RBFOX1: variants seen among roughly 807,000 people sequenced by gnomAD.
RBFOX1 encodes RNA binding fox-1 homolog 1.
Under a neutral mutation model 57.7 loss-of-function variants are expected in RBFOX1, and 8 were observed. The ratio of observed to expected loss-of-function variants is 0.14; its 90% CI spans 0.08 to 0.25. The LOEUF (loss-of-function observed/expected upper bound fraction) is 0.25, where lower values mean the gene tolerates loss of function less well. RBFOX1 is among the 10% of genes least tolerant of loss of function. RBFOX1 has a pLI of 1.00. For missense variants in RBFOX1, 611 were observed against 548.5 expected (o/e 1.11, Z -1.14); for synonymous variants, 326 against 222.4 (o/e 1.47, Z -4.15).
intron 4 of RBFOX1, among the ~76,000 whole-genome samples, chr16:5,974,464 G>C (rs1322702964): frequency 6.6e-6 from 1 of 151,682 alleles, no homozygotes; most frequent in Admixed American, 6.6e-5. Context: ...CAAAAAATTA[G>C]CTGGCCGTGG....
At chr16:6,103,936 A>G (rs1341892262) in intron 1 of RBFOX1, among the ~76,000 whole-genome samples, 4 of 152,130 alleles carry the variant, frequency 2.6e-5, no homozygotes, top group African/African-American at 9.7e-5. Context: ...ACTCTGGGCT[A>G]TTACTTCGCC....
intron 1 of RBFOX1, among the ~76,000 whole-genome samples, chr16:6,282,355 G>GTTTTTTTTTTTTTTTTTTTTTT: frequency 8.0e-6 from 1 of 125,264 alleles, no homozygotes; most frequent in Non-Finnish European, 1.7e-5. Context: ...TACCTTGTCT[G>GTTTTTTTTTTTTTTTTTTTTTT]TTTTTTTTTT....
intron 5 of RBFOX1, among the ~76,000 whole-genome samples, chr16:7,556,883 T>C (rs938360173): frequency 1.3e-5 from 2 of 152,216 alleles, no homozygotes; most frequent in African/African-American, 4.8e-5. Flanking sequence ...TGAAACCGAC[T>C]TAGTTTAAAA....
chr16:6,694,872 A>C (rs1028584808), intron 3 of RBFOX1, among the ~76,000 whole-genome samples: 1 of 151,982 alleles, frequency 6.6e-6, no homozygotes, highest in Non-Finnish European at 1.5e-5. Context: ...CCTGGGAACC[A>C]CACGGCAACA....
intron 3 of RBFOX1, among the ~76,000 whole-genome samples, chr16:6,984,072 A>G (rs1455637517): frequency 6.6e-6 from 1 of 152,052 alleles, no homozygotes; most frequent in Non-Finnish European, 1.5e-5. Context: ...ACATGGAGAA[A>G]CCCTGTCTCT....
chr16:6,654,595 C>G lies in RBFOX1; in HGVS notation c.-63-8C>G, dbSNP rs1000846989. 5.3e-6 allele frequency: 8 copies of G among 1,505,656 alleles called. No individual in the cohort carries two copies. The highest frequency in any genetic ancestry group is 1.3e-5 in the South Asian group (1 of 78,720). The allele number at this position is 1,505,656 out of a possible 1,614,324, so 93.3% of individuals were successfully genotyped here. On this transcript the variant is annotated splice_polypyrimidine_tract_variant and splice_region_variant and intron_variant, in intron 2 of 15. Coordinates refer to ENST00000550418, the MANE Select transcript of RBFOX1 (RefSeq NM_018723.4). ...CTCTCACTTTCCTTTCTTTTCTTCT[C>G]TTCTCAGGATATCAAAGCAGACTGC...
chr16:7,443,435 C>T (rs887395065), intron 4 of RBFOX1, among the ~76,000 whole-genome samples: 2 of 151,368 alleles, frequency 1.3e-5, no homozygotes, highest in African/African-American at 4.9e-5. Context: ...CCCCTCCCCT[C>T]TTTCTTTGCC....
At chr16:6,164,197 A>G (rs1051943232) in intron 1 of RBFOX1, among the ~76,000 whole-genome samples, 2 of 152,222 alleles carry the variant, frequency 1.3e-5, no homozygotes, top group African/African-American at 2.4e-5. Context: ...TTACTTGGAC[A>G]TTAGTCTACA....
intron 2 of RBFOX1, among the ~76,000 whole-genome samples, chr16:6,524,178 A>T (rs1297497868): frequency 6.6e-6 from 1 of 151,886 alleles, no homozygotes; most frequent in Middle Eastern, 3.2e-3. Context: ...CCATCCCTGT[A>T]CTCTCTATCT....
intron 3 of RBFOX1, among the ~76,000 whole-genome samples, chr16:6,975,874 C>T (rs745762864): frequency 3.2e-4 from 48 of 152,176 alleles, no homozygotes; most frequent in Non-Finnish European, 5.9e-4. Flanking sequence ...CACCTGTAAT[C>T]GCAGCACTTT....
chr16:7,516,373 G>A (rs181715357), intron 4 of RBFOX1, among the ~76,000 whole-genome samples: 6 of 152,182 alleles, frequency 3.9e-5, no homozygotes, highest in Admixed American at 2.6e-4. Flanking sequence ...GATGTCCTAT[G>A]GCTCATCTCG....
chr16:5,846,860 G>T (rs2056769951), intron 3 of RBFOX1, among the ~76,000 whole-genome samples: 1 of 152,212 alleles, frequency 6.6e-6, no homozygotes, highest in Non-Finnish European at 1.5e-5. Context: ...CAGAGCAGCT[G>T]CGGAGAAGGA....
At chr16:6,494,832 T>G (rs2095720783) in intron 2 of RBFOX1, among the ~76,000 whole-genome samples, 1 of 152,222 alleles carries the variant, frequency 6.6e-6, no homozygotes, top group African/African-American at 2.4e-5. Context: ...TAATGTTTAT[T>G]TTTACATAAA....
At chr16:5,332,326 G>A (rs1353786355) in intron 1 of RBFOX1, among the ~76,000 whole-genome samples, 3 of 152,096 alleles carry the variant, frequency 2.0e-5, no homozygotes, top group Non-Finnish European at 4.4e-5. Flanking sequence ...GGAGTGCAGT[G>A]GTGTGATCTC....
chr16:6,463,530 C>T (rs1026039937), intron 2 of RBFOX1, among the ~76,000 whole-genome samples: 7 of 151,916 alleles, frequency 4.6e-5, no homozygotes, highest in African/African-American at 7.3e-5. Flanking sequence ...GGGGTCGGGG[C>T]GGAGTGTAAG....
At chr16:6,656,931 C>CCCTTT (rs2098659708) in intron 3 of RBFOX1, among the ~76,000 whole-genome samples, 6 of 55,644 alleles carry the variant, frequency 1.1e-4, no homozygotes, top group African/African-American at 1.6e-4. Flanking sequence ...TCCTCTCCTC[C>CCCTTT]CCTCTCCTCC....
intron 4 of RBFOX1, among the ~76,000 whole-genome samples, chr16:5,880,766 G>C (rs2057742513): frequency 6.6e-6 from 1 of 152,058 alleles, no homozygotes; most frequent in Admixed American, 6.6e-5. Context: ...GCAGAATAAA[G>C]ATTTCAAATA....
At chr16:7,196,724 C>T (rs1406632240) in intron 4 of RBFOX1, among the ~76,000 whole-genome samples, 1 of 152,050 alleles carries the variant, frequency 6.6e-6, no homozygotes, top group Non-Finnish European at 1.5e-5. Context: ...AGTCATGCTG[C>T]AAAGTGAGTT....
rs182891211 is a variant in RBFOX1 at position 6,952,670 on chromosome 16, A to C, written c.-15-99387A>C. Among the ~76,000 whole-genome samples the C allele has an allele frequency of 1.3e-4, 20 of 152,066 alleles. No individual in the cohort carries two copies. In the East Asian group the frequency reaches 3.7e-3, roughly 28 times the overall value. ...CCTCCAAAAAAAAGAAAAGAAAAAG[A>C]AATGAAAAAAAATTATCCTTGGTAG... On this transcript the variant is annotated intron_variant, in intron 3 of 15. Transcript: ENST00000550418.
Sources: allele counts gnomAD v4.1 joint callset (sites outside exome capture counted in the v4.1 genomes callset), GRCh38; gene constraint gnomAD v4.1.1; transcripts MANE v1.5; gene names NCBI Gene and HGNC (gene_info 2026-07-23, HGNC 2026-07-21).